Variants in DPF3 observed in about 807,000 individuals in gnomAD.
The protein encoded by DPF3 is double PHD fingers 3.
A neutral mutation model predicts 56.8 loss-of-function variants in DPF3; 18 were observed. The observed-to-expected ratio is 0.32, with a 90% CI of 0.22 to 0.47. The LOEUF is 0.47. Among genes scored for constraint, DPF3 ranks in the 20% least tolerant of loss-of-function variants. The pLI, the probability that DPF3 is intolerant of heterozygous loss-of-function variation, is 1.00. For missense variants in DPF3, 403 were observed against 488.8 expected (o/e 0.82, Z 1.65); for synonymous variants, 188 against 180.2 (o/e 1.04, Z -0.35).
At chr14:72,813,123 C>G (rs1883131757) in intron 1 of DPF3, among the ~76,000 whole-genome samples, 1 of 152,124 alleles carries the variant, frequency 6.6e-6, no homozygotes, top group South Asian at 2.1e-4. Flanking sequence ...AAACAAGGTC[C>G]CAGCATTCCT....
chr14:72,763,425 G>A (rs879394378), intron 2 of DPF3, among the ~76,000 whole-genome samples: 5 of 152,110 alleles, frequency 3.3e-5, no homozygotes, highest in Non-Finnish European at 7.4e-5. Context: ...AAACAGAACT[G>A]AGAGTCCAGA....
In DPF3 at chr14:72,784,360, C is replaced by A. The variant is rs560441821; in HGVS notation, c.33-12467G>T. Among the ~76,000 whole-genome samples, 8 of 152,176 alleles carry A rather than the reference C, an allele frequency of 5.3e-5. No individual in the cohort carries two copies. In the South Asian group the frequency reaches 1.2e-3, roughly 24 times the overall value. ...CTGAAACTGAAATCTTGAGTGCACC[C>A]TAGAAATGCCTAAATCTGCCCTCAA... On this transcript the variant is annotated intron_variant, in intron 1 of 10. Transcript: ENST00000556509.
intron 7 of DPF3, among the ~76,000 whole-genome samples, chr14:72,677,800 G>A (rs533001817): frequency 1.3e-4 from 20 of 152,268 alleles, no homozygotes; most frequent in South Asian, 4.2e-4. Flanking sequence ...CACAGAAGTC[G>A]GTAGCCAATG....
At chr14:72,823,988 G>C (rs1017614756) in intron 1 of DPF3, among the ~76,000 whole-genome samples, 1 of 152,158 alleles carries the variant, frequency 6.6e-6, no homozygotes, top group Non-Finnish European at 1.5e-5. Flanking sequence ...TTCTAGGAGA[G>C]GGGACCACAT....
At chr14:72,777,827 G>A (rs1404607931) in intron 1 of DPF3, among the ~76,000 whole-genome samples, 1 of 152,140 alleles carries the variant, frequency 6.6e-6, no homozygotes, top group Non-Finnish European at 1.5e-5. Flanking sequence ...GGGCTCCCCA[G>A]AAGCCAAGCA....
chr14:72,729,377 T>C (rs1343075552), intron 4 of DPF3, among the ~76,000 whole-genome samples: 1 of 152,142 alleles, frequency 6.6e-6, no homozygotes, highest in Non-Finnish European at 1.5e-5. Flanking sequence ...GCCTGGCATG[T>C]TCTGGGAGGA....
intron 1 of DPF3, among the ~76,000 whole-genome samples, chr14:72,816,501 C>T (rs976575567): frequency 1.3e-5 from 2 of 152,050 alleles, no homozygotes; most frequent in Admixed American, 6.6e-5. Context: ...CCAACCCACC[C>T]CTTGATACCA....
At chr14:72,773,739 CTTAT>C (rs1377072768) in intron 1 of DPF3, 1 of 437,432 alleles carries the variant, frequency 2.3e-6, no homozygotes, top group Non-Finnish European at 4.5e-6. Flanking sequence ...TTGTGACTGG[CTTAT>C]TTGACTTAGC....
intron 2 of DPF3, among the ~76,000 whole-genome samples, chr14:72,759,486 T>C (rs1042249692): frequency 1.4e-5 from 2 of 146,034 alleles, no homozygotes; most frequent in African/African-American, 5.1e-5. Flanking sequence ...CTGGGCAACA[T>C]AGTAAGATCC....
chr14:72,861,723 G>A (rs1181439874), intron 1 of DPF3, among the ~76,000 whole-genome samples: 1 of 71,772 alleles, frequency 1.4e-5, no homozygotes, highest in Non-Finnish European at 2.7e-5. Context: ...AAGAAAGAGA[G>A]AGAAAGAAAG....
chr14:72,698,241 T>A (rs1328045859), intron 6 of DPF3, among the ~76,000 whole-genome samples: 2 of 152,260 alleles, frequency 1.3e-5, no homozygotes, highest in African/African-American at 4.8e-5. Context: ...ACACATTCGA[T>A]AGAAACCATA....
intron 1 of DPF3, among the ~76,000 whole-genome samples, chr14:72,861,712 GAA>G (rs1567260983): frequency 3.4e-5 from 2 of 59,122 alleles, no homozygotes; most frequent in Admixed American, 4.5e-4. Context: ...GAGAGAGAAA[GAA>G]GAAAGAGAGA....
intron 8 of DPF3, among the ~76,000 whole-genome samples, chr14:72,659,896 C>T (rs1370289734): frequency 2.6e-5 from 4 of 152,148 alleles, no homozygotes; most frequent in African/African-American, 9.7e-5. Flanking sequence ...AAGTTTGACA[C>T]ATCTACGTAA....
chr14:72,804,390 A>G (rs1256890146), intron 1 of DPF3, among the ~76,000 whole-genome samples: 1 of 152,202 alleles, frequency 6.6e-6, no homozygotes, highest in Admixed American at 6.5e-5. Context: ...TTATGTGAAC[A>G]CTGGAATACT....
intron 1 of DPF3, among the ~76,000 whole-genome samples, chr14:72,804,907 T>C (rs887133911): frequency 6.6e-6 from 1 of 152,202 alleles, no homozygotes; most frequent in African/African-American, 2.4e-5. Flanking sequence ...GCTGTTTCCT[T>C]GATTTATTCA....
intron 1 of DPF3, among the ~76,000 whole-genome samples, chr14:72,777,229 G>A (rs930090156): frequency 5.3e-5 from 8 of 150,518 alleles, no homozygotes; most frequent in Non-Finnish European, 7.4e-5. Context: ...AAACACACAC[G>A]AAAGCTCATC....
At chr14:72,686,504 C>T (rs1488961289) in intron 7 of DPF3, among the ~76,000 whole-genome samples, 64 of 152,216 alleles carry the variant, frequency 4.2e-4, no homozygotes, top group Non-Finnish European at 1.0e-4. Context: ...CCAGGGTCAC[C>T]ATTCACACCC....
intron 4 of DPF3, chr14:72,731,458 A>C: frequency 4.5e-6 from 1 of 219,916 alleles, no homozygotes; most frequent in East Asian, 1.3e-4. Context: ...TTTCAAGCCT[A>C]GACAATGGAC....
intron 7 of DPF3, among the ~76,000 whole-genome samples, chr14:72,685,388 GAAT>G (rs1222465579): frequency 3.3e-5 from 5 of 152,336 alleles, no homozygotes; most frequent in African/African-American, 1.2e-4. Flanking sequence ...TGTAAAATGA[GAAT>G]AATAACATGT....
Sources: allele counts gnomAD v4.1 joint callset (sites outside exome capture counted in the v4.1 genomes callset), GRCh38; gene constraint gnomAD v4.1.1; transcripts MANE v1.5; gene names NCBI Gene and HGNC (gene_info 2026-07-23, HGNC 2026-07-21).